Variants in INPP4B observed in about 807,000 individuals in gnomAD.
The protein encoded by INPP4B is inositol polyphosphate-4-phosphatase type II B, also known as inositol polyphosphate 4-phosphatase type II.
Under a neutral mutation model 122.5 loss-of-function variants are expected in INPP4B, and 55 were observed. That is an observed-to-expected ratio of 0.45 (90% CI 0.36 to 0.56). The LOEUF (loss-of-function observed/expected upper bound fraction) is 0.56, where lower values mean the gene tolerates loss of function less well. Among genes scored for constraint, INPP4B ranks in the 20% least tolerant of loss-of-function variants. The pLI is 0.00. For synonymous variants in INPP4B, 403 were observed against 388.7 expected (o/e 1.04, Z -0.43); for missense variants, 1,000 against 1,097.7 (o/e 0.91, Z 1.26).
At chr4:142,063,018 G>C (rs1431207427) in intron 25 of INPP4B, among the ~76,000 whole-genome samples, 1 of 152,076 alleles carries the variant, frequency 6.6e-6, no homozygotes, top group African/African-American at 2.4e-5. Flanking sequence ...TAGATTTATT[G>C]GTTCCAATGG....
intron 2 of INPP4B, among the ~76,000 whole-genome samples, chr4:142,567,395 C>A (rs1310400721): frequency 1.3e-5 from 2 of 152,064 alleles, no homozygotes. Context: ...TACAACTAGT[C>A]ACTCTTCCAG....
At position 142,462,694 on chromosome 4, in the gene INPP4B, C is replaced by A; in HGVS notation, c.-158G>T. On this transcript the variant is annotated 5_prime_UTR_variant, in exon 3 of 26. Coordinates refer to ENST00000262992, the MANE Select transcript of INPP4B (RefSeq NM_001101669.3). ...TATGTTGTTTTCTTTGACAGAACTG[C>A]TCTTTGATTATTGTTTCGCTGGTTT... The A allele has an allele frequency of 6.6e-6, 1 of 152,166 alleles. No homozygotes were observed. Among genetic ancestry groups the A allele is most frequent in the East Asian group, 1.9e-4 (1 of 5,198 alleles). 9.4% of individuals were successfully genotyped at this position (152,166 alleles called of 1,614,324 possible).
At chr4:142,168,700 T>C (rs1824084469) in intron 16 of INPP4B, among the ~76,000 whole-genome samples, 1 of 151,616 alleles carries the variant, frequency 6.6e-6, no homozygotes, top group South Asian at 2.1e-4. Context: ...CTAATATTTA[T>C]TTCTGTGGAC....
chr4:142,082,300 G>A (rs1774329078), intron 24 of INPP4B, 115 bp from the exon 25 acceptor site: 5 of 775,174 alleles, frequency 6.5e-6, no homozygotes, highest in Non-Finnish European at 9.6e-6. Context: ...GTTTCTGTTA[G>A]TTTATGATAG....
At chr4:142,276,855 A>G (rs567831459) in intron 9 of INPP4B, among the ~76,000 whole-genome samples, 3 of 152,038 alleles carry the variant, frequency 2.0e-5, no homozygotes, top group Admixed American at 6.6e-5. Context: ...TCCTCATGAC[A>G]CTATTAAAAA....
At chr4:142,454,093 GA>G (rs769389854) in intron 3 of INPP4B, among the ~76,000 whole-genome samples, 4 of 151,946 alleles carry the variant, frequency 2.6e-5, no homozygotes, top group African/African-American at 7.2e-5. Flanking sequence ...ACTGAACACT[GA>G]AAAAAACAAC....
At chr4:142,246,258 T>C (rs1334685114) in intron 11 of INPP4B, among the ~76,000 whole-genome samples, 1 of 152,050 alleles carries the variant, frequency 6.6e-6, no homozygotes, top group African/African-American at 2.4e-5. Context: ...TGCTTAGGAT[T>C]GCCTTTGCTA....
chr4:142,674,329 C>T (rs1757418119), intron 2 of INPP4B, among the ~76,000 whole-genome samples: 1 of 152,132 alleles, frequency 6.6e-6, no homozygotes, highest in South Asian at 2.1e-4. Flanking sequence ...CATCCCATCT[C>T]TAGAGTTCCT....
chr4:142,822,854 T>C (rs1389049914), intron 1 of INPP4B, among the ~76,000 whole-genome samples: 2 of 152,206 alleles, frequency 1.3e-5, no homozygotes, highest in Non-Finnish European at 2.9e-5. Context: ...GGCAAGGTTA[T>C]GCTATGTTCA....
At chr4:142,363,823 AG>A (rs1786393933) in intron 7 of INPP4B, among the ~76,000 whole-genome samples, 1 of 152,030 alleles carries the variant, frequency 6.6e-6, no homozygotes, top group East Asian at 1.9e-4. Flanking sequence ...CATCCATGAA[AG>A]ATAAGTAGGG....
chr4:142,726,838 A>G (rs567081374), intron 1 of INPP4B, among the ~76,000 whole-genome samples: 6 of 152,334 alleles, frequency 3.9e-5, no homozygotes, highest in Middle Eastern at 3.4e-3. Context: ...TTTCATCTGT[A>G]ATATGGGAAT....
chr4:142,517,673 T>C (rs1684029643), intron 2 of INPP4B, among the ~76,000 whole-genome samples: 1 of 152,190 alleles, frequency 6.6e-6, no homozygotes, highest in Non-Finnish European at 1.5e-5. Context: ...TCTTGCCATT[T>C]ACTTTAGCAG....
intron 2 of INPP4B, among the ~76,000 whole-genome samples, chr4:142,677,250 C>G (rs973825772): frequency 1.3e-5 from 2 of 152,218 alleles, no homozygotes; most frequent in South Asian, 2.1e-4. Flanking sequence ...AAAAGCTCAT[C>G]ATCACTGGTC....
intron 10 of INPP4B, among the ~76,000 whole-genome samples, chr4:142,262,171 A>G (rs1385615214): frequency 6.6e-6 from 1 of 152,174 alleles, no homozygotes; most frequent in African/African-American, 2.4e-5. Context: ...CGTTATATTC[A>G]TCATATCAGT....
chr4:142,796,868 ATGTGTG>A (rs34860975), intron 1 of INPP4B, among the ~76,000 whole-genome samples: 4,525 of 105,318 alleles, frequency 0.043, 263 homozygotes, highest in East Asian at 0.33. Context: ...CGGAAAACAG[ATGTGTG>A]TGTGTGTGTG....
chr4:142,826,399 T>C (rs1162902736), intron 1 of INPP4B, among the ~76,000 whole-genome samples: 1 of 152,100 alleles, frequency 6.6e-6, no homozygotes, highest in Admixed American at 6.6e-5. Flanking sequence ...AGATTTGCCC[T>C]TGCAGATTTT....
intron 25 of INPP4B, among the ~76,000 whole-genome samples, chr4:142,074,845 A>G (rs1295128802): frequency 6.6e-6 from 1 of 151,668 alleles, no homozygotes; most frequent in East Asian, 1.9e-4. Flanking sequence ...ATGAATAAGC[A>G]CTACTCTTAT....
At chr4:142,449,571 G>A (rs571280198) in intron 3 of INPP4B, among the ~76,000 whole-genome samples, 5 of 151,804 alleles carry the variant, frequency 3.3e-5, no homozygotes, top group South Asian at 2.1e-4. Context: ...GTGTGGTGGC[G>A]CATGCCTGTA....
intron 25 of INPP4B, among the ~76,000 whole-genome samples, chr4:142,052,478 G>T (rs1755181689): frequency 6.6e-6 from 1 of 151,994 alleles, no homozygotes; most frequent in Non-Finnish European, 1.5e-5. Flanking sequence ...TGCTAAATAA[G>T]TATTGTATAT....
Sources: allele counts gnomAD v4.1 joint callset (sites outside exome capture counted in the v4.1 genomes callset), GRCh38; gene constraint gnomAD v4.1.1; transcripts MANE v1.5; gene names NCBI Gene and HGNC (gene_info 2026-07-23, HGNC 2026-07-21).